ZDHHC1: variants seen among roughly 807,000 people sequenced by gnomAD.
ZDHHC1 encodes the protein zDHHC palmitoyltransferase 1, also known as palmitoyltransferase ZDHHC1.
In ZDHHC1, 45 loss-of-function variants were observed where a neutral mutation model predicts 46.9. That is an observed-to-expected ratio of 0.96 (90% CI 0.76 to 1.23). ZDHHC1 has a LOEUF of 1.23. ZDHHC1 is among the 50% of genes most tolerant of loss of function. The probability of loss-of-function intolerance (pLI) is 0.00; values close to 1 mark genes in which losing one functional copy is unlikely to be tolerated. For missense variants in ZDHHC1, 649 were observed against 670.8 expected (o/e 0.97, Z 0.36); for synonymous variants, 291 against 286.0 (o/e 1.02, Z -0.18).
At position 67,395,439 on chromosome 16, in the gene ZDHHC1, T is replaced by C. The variant is rs900424780; in HGVS notation, c.1010+45A>G. ...TTCTCCTGCCTCGATGGCCCTGCCA[T>C]GCTAACTGGAGATGCCCAGTGGCAC... is the stretch of plus-strand genomic sequence containing the variant. On this transcript the variant is annotated intron_variant, in intron 9 of 11. Transcript: ENST00000565726. The C allele has an allele frequency of 1.0e-5, 16 of 1,549,428 alleles. No homozygotes were observed. The Admixed American group carries it at 3.1e-4, about 30-fold the overall frequency.
rs1465134017 is a variant in ZDHHC1 at position 67,394,484 on chromosome 16, G to C, written c.*126C>G. 1.2e-6 allele frequency: 1 copy of C among 800,598 alleles called. No homozygotes were observed. The highest frequency in any genetic ancestry group is 5.1e-5 in the Admixed American group (1 of 19,558). 49.6% of individuals were successfully genotyped at this position (800,598 alleles called of 1,614,324 possible). A position where few individuals can be genotyped will look rare whatever the true frequency, so the allele number is the denominator to read the frequency against. The stretch of plus-strand genomic sequence containing the variant: ...GGTGGGGCGGGTATTGCTGAGTCGT[G>C]GGGGAGGGAGGCCGATCCCGCCGGC... On this transcript the variant is annotated 3_prime_UTR_variant, in exon 12 of 12. Coordinates refer to ENST00000565726, the MANE Select transcript of ZDHHC1 (RefSeq NM_001323627.2).
chr16:67,398,981 G>C, intron 5 of ZDHHC1, 37 bp from the exon 6 acceptor site: 1 of 1,603,578 alleles, frequency 6.2e-7, no homozygotes, highest in Non-Finnish European at 8.5e-7. Flanking sequence ...GCTCCCCGGA[G>C]CTCCAGCCTC....
intron 5 of ZDHHC1, 48 bp downstream of exon 5, chr16:67,399,307 C>T (rs1334738057): frequency 6.5e-7 from 1 of 1,537,856 alleles, no homozygotes; most frequent in Non-Finnish European, 8.9e-7. Flanking sequence ...TGGCTCCCAC[C>T]CTCAGACAGT....
intron 8 of ZDHHC1, among the ~76,000 whole-genome samples, chr16:67,396,582 G>A (rs2040438314): frequency 6.6e-6 from 1 of 152,200 alleles, no homozygotes; most frequent in Non-Finnish European, 1.5e-5. Context: ...GTGGGTGGCT[G>A]CCTGCAGGGC....
chr16:67,404,294 G>A (rs1288437577), intron 3 of ZDHHC1: 1 of 165,394 alleles, frequency 6.0e-6, no homozygotes, highest in African/African-American at 2.4e-5. Flanking sequence ...GCCTCTGCTT[G>A]CCCTCACAGT....
At chr16:67,413,081 A>AT (rs797011908) in intron 1 of ZDHHC1, among the ~76,000 whole-genome samples, 1,728 of 130,570 alleles carry the variant, frequency 0.013, 34 homozygotes, top group African/African-American at 0.042. Flanking sequence ...CACCCAGCCT[A>AT]TTTTTTTTTT....
In ZDHHC1 at chr16:67,401,462, T is replaced by C. The variant is rs1487661527; in HGVS notation, c.253-330A>G. 6.6e-6 allele frequency among the ~76,000 whole-genome samples: 1 copy of C among 152,246 alleles called. No individual in the cohort carries two copies. The highest frequency in any genetic ancestry group is 1.5e-5 in the Non-Finnish European group (1 of 68,040). On this transcript the variant is annotated intron_variant, in intron 3 of 11. Transcript: ENST00000565726. This position sits in a 1 kb window ranked among gnomAD's most constrained non-coding sequence, Gnocchi z 4.6. Reference sequence around the variant, plus strand: ...GGCCCTGGCTGGTCTGACCTCAGGCTGGTTTCTGGTTTCAGATTCCAAATG... The same window carrying C: ...GGCCCTGGCTGGTCTGACCTCAGGCCGGTTTCTGGTTTCAGATTCCAAATG...
chr16:67,406,370 T>C lies in ZDHHC1; in HGVS notation c.82A>G (p.Ser28Gly). 1.9e-6 allele frequency: 3 copies of C among 1,583,142 alleles called. No individual in the cohort carries two copies. The highest frequency in any genetic ancestry group is 2.3e-5 in the East Asian group (1 of 43,752). ...KSVWTAPAQP[S>G]GPSPELQGQR... The stretch of plus-strand genomic sequence containing the variant: ...CCCTGCAGCTCAGGGGAGGGTCCGC[T>C]GGGCTGTGCCGGTGCCGTCCACACA... The change falls in exon 3 of 12, where the codon AGC becomes GGC. Residue 28 changes from serine to glycine, a missense_variant. Transcript: ENST00000565726. This position sits in a 1 kb window ranked among gnomAD's most constrained non-coding sequence, Gnocchi z 4.1.
chr16:67,411,682 A>G (rs2040749806), intron 1 of ZDHHC1, among the ~76,000 whole-genome samples: 1 of 152,232 alleles, frequency 6.6e-6, no homozygotes, highest in Non-Finnish European at 1.5e-5. Context: ...ACTATGGCAC[A>G]TCCATACAAT....
chr16:67,407,641 G>C (rs2040685867), intron 2 of ZDHHC1, 126 bp downstream of exon 2: 1 of 722,014 alleles, frequency 1.4e-6, no homozygotes, highest in Non-Finnish European at 2.6e-6. Flanking sequence ...TTGCCATTTG[G>C]GACGCTTTGC....
rs1375997377 is a variant in ZDHHC1, at chr16:67,395,145, C to T, written c.1104+42G>A. The stretch of plus-strand genomic sequence containing the variant: ...CGCCAGGGTAGAGGCTTCTTTCTAT[C>T]CCACTCCACCTGGACCGGAGGCCCA... On this transcript the variant is annotated intron_variant, in intron 10 of 11. Transcript: ENST00000565726. 4 of 1,612,982 alleles carry T rather than the reference C, an allele frequency of 2.5e-6. No individual in the cohort carries two copies. In the African/African-American group the frequency reaches 5.3e-5, roughly 22 times the overall value.
At position 67,406,190 on chromosome 16, in the gene ZDHHC1, C is replaced by G; in HGVS notation, c.252+10G>C. ...TTCCACACACCAGCCCTACGCTTTC[C>G]CAAGGATACAGCGTAGCCAGCGGGC... On this transcript the variant is annotated intron_variant, in intron 3 of 11. Transcript: ENST00000565726. The surrounding 1 kb of genome is among the most constrained non-coding windows in gnomAD (Gnocchi z 4.1). The G allele has an allele frequency of 6.2e-7, 1 of 1,613,390 alleles. No homozygotes were observed. The highest frequency in any genetic ancestry group is 8.5e-7 in the Non-Finnish European group (1 of 1,179,662).
At chr16:67,394,941 G>GGCTC in intron 11 of ZDHHC1, 48 bp from the exon 12 acceptor site, 2 of 1,560,248 alleles carry the variant, frequency 1.3e-6, no homozygotes, top group Non-Finnish European at 1.7e-6. Flanking sequence ...GCTCGCTTGT[G>GGCTC]GCTCTGCCTT....
chr16:67,394,209 C>A lies in ZDHHC1; in HGVS notation c.*401G>T, dbSNP rs2040369072. On this transcript the variant is annotated 3_prime_UTR_variant, in exon 12 of 12. Transcript: ENST00000565726. The stretch of plus-strand genomic sequence containing the variant: ...CCAAAGCCTGCTTTCTCTCGGCCTC[C>A]CAGTGCAAAGCCCATCTTTAAGAAA... Among the ~76,000 whole-genome samples the A allele has an allele frequency of 6.6e-6, 1 of 152,220 alleles. No homozygotes were observed. Among genetic ancestry groups the A allele is most frequent in the Admixed American group, 6.5e-5 (1 of 15,286 alleles).
intron 10 of ZDHHC1, 31 bp downstream of exon 10, chr16:67,395,156 T>C: frequency 1.2e-6 from 2 of 1,613,048 alleles, no homozygotes; most frequent in Admixed American, 1.7e-5. Flanking sequence ...CCACTCCACC[T>C]GGACCGGAGG....
intron 10 of ZDHHC1, 29 bp from the exon 11 acceptor site, chr16:67,395,091 C>T: frequency 1.9e-6 from 3 of 1,613,290 alleles, no homozygotes; most frequent in South Asian, 1.1e-5. Context: ...GCCTGAGGGC[C>T]CCACATCGCC....
chr16:67,397,494 C>T (rs757758596), intron 8 of ZDHHC1, among the ~76,000 whole-genome samples: 1 of 152,184 alleles, frequency 6.6e-6, no homozygotes, highest in Non-Finnish European at 1.5e-5. Flanking sequence ...AGGTGGGGTC[C>T]TAGGCCCTCC....
rs141181874 is a variant in ZDHHC1, at chr16:67,399,342, G to A, written c.530+13C>T. ...TGCATCCCCAGGCCCGCGTGCGGCC[G>A]GGCTGTCCTCACCGGTAGTTCCGCT... is the stretch of plus-strand genomic sequence containing the variant. On this transcript the variant is annotated intron_variant, in intron 5 of 11. Coordinates refer to ENST00000565726, the MANE Select transcript of ZDHHC1 (RefSeq NM_001323627.2). The A allele has an allele frequency of 1.6e-4, 262 of 1,608,592 alleles. 3 individuals carry two copies. In the African/African-American group the frequency reaches 2.7e-3, roughly 16 times the overall value.
chr16:67,399,449 G>T lies in ZDHHC1; in HGVS notation c.436C>A (p.Arg146Ser), dbSNP rs1477079705. Residue 146 changes from arginine (R) to serine (S), a missense_variant, in exon 5 of 12, where the codon CGC (arginine) becomes AGC (serine). Transcript: ENST00000565726. ...TTGCAGGCGCTGCAGTGCTTGGAGC[G>T]AGCGCTCCTGCAGGGAGAGGGGGCA... ...CNLCNVDVSA[R>S]SKHCSACNKC... 1 of 1,611,740 alleles carries T rather than the reference G, an allele frequency of 6.2e-7. No individual in the cohort carries two copies. The highest frequency in any genetic ancestry group is 8.5e-7 in the Non-Finnish European group (1 of 1,178,924).
Sources: gnomAD v4.1 joint callset for allele counts (sites outside exome capture counted in the v4.1 genomes callset) on GRCh38, gnomAD v4.1.1 for gene constraint, Gnocchi (gnomAD v3.1) non-coding constraint, MANE v1.5 for transcripts, NCBI Gene and HGNC (gene_info 2026-07-23, HGNC 2026-07-21) for gene names.